The following NTNG2 variants were observed in gnomAD, a reference collection of about 807,000 sequenced individuals.
NTNG2 encodes the protein netrin-G2.
NTNG2 carries 15 observed loss-of-function variants against 47.6 expected under a neutral mutation model. The ratio of observed to expected loss-of-function variants is 0.32; its 90% CI spans 0.21 to 0.49. NTNG2 has a LOEUF of 0.49. Ranked by LOEUF, NTNG2 falls within the 20% of genes least tolerant of loss-of-function variation. NTNG2 has a pLI of 0.99. For missense variants in NTNG2, 578 were observed against 764.6 expected (o/e 0.76, Z 2.88); for synonymous variants, 307 against 324.6 (o/e 0.95, Z 0.58).
At chr9:132,190,922 G>A (rs965210526) in intron 2 of NTNG2, among the ~76,000 whole-genome samples, 1 of 152,128 alleles carries the variant, frequency 6.6e-6, no homozygotes, top group Non-Finnish European at 1.5e-5. Context: ...GACCTTTCAG[G>A]TGACTTGCCT....
chr9:132,207,088 C>A (rs971108282), intron 3 of NTNG2, among the ~76,000 whole-genome samples: 1 of 152,264 alleles, frequency 6.6e-6, no homozygotes, highest in African/African-American at 2.4e-5. Flanking sequence ...GCCTTCCCAG[C>A]AGCACTAGGC....
chr9:132,172,206 C>A (rs1194417642), intron 2 of NTNG2, among the ~76,000 whole-genome samples: 1 of 152,180 alleles, frequency 6.6e-6, no homozygotes, highest in Non-Finnish European at 1.5e-5. Context: ...CTGGATAACC[C>A]TGGCTCCTTT....
chr9:132,180,071 A>G lies in NTNG2; in HGVS notation c.213+13027A>G, dbSNP rs1270862788. On this transcript the variant is annotated intron_variant, in intron 2 of 7. Coordinates refer to ENST00000393229, the MANE Select transcript of NTNG2 (RefSeq NM_032536.4). The surrounding 1 kb of genome is among the most constrained non-coding windows in gnomAD (Gnocchi z 4.2). Reference sequence around the variant, plus strand: ...CAAGGACCTGGCATCCTTCTGTCCCAGGGCAGTTTGTCTTGGGTCTCTCAG... The same window carrying G: ...CAAGGACCTGGCATCCTTCTGTCCCGGGGCAGTTTGTCTTGGGTCTCTCAG... Among the ~76,000 whole-genome samples the G allele has an allele frequency of 6.6e-6, 1 of 152,188 alleles. No homozygotes were observed. Among genetic ancestry groups the G allele is most frequent in the Non-Finnish European group, 1.5e-5 (1 of 68,038 alleles).
In NTNG2 at chr9:132,242,052, C is replaced by T; in HGVS notation, c.1534C>T (p.Pro512Ser). The change falls in exon 8 of 8, where the codon CCC becomes TCC. Residue 512 changes from proline (P) to serine (S), a missense_variant. Pro to Ser is a moderately conservative substitution (Grantham distance 74). Coordinates refer to ENST00000393229, the MANE Select transcript of NTNG2 (RefSeq NM_032536.4). This position sits in a 1 kb window ranked among gnomAD's most constrained non-coding sequence, Gnocchi z 5.9. ...CDRAPGAAPR[P>S]ATLLGCLLLL... is the part of the protein sequence containing the mutation. ...CCGCGCGCCCGGGGCCGCCCCGCGC[C>T]CCGCCACCCTGCTCGGCTGCCTGCT... The T allele has an allele frequency of 8.0e-7, 1 of 1,255,118 alleles. No individual in the cohort carries two copies. The highest frequency in any genetic ancestry group is 1.0e-6 in the Non-Finnish European group (1 of 1,003,778). The allele number at this position is 1,255,118 out of a possible 1,614,324, so 77.7% of individuals were successfully genotyped here.
intron 2 of NTNG2, among the ~76,000 whole-genome samples, chr9:132,167,883 T>A (rs1835612676): frequency 6.6e-6 from 1 of 152,226 alleles, no homozygotes; most frequent in Non-Finnish European, 1.5e-5. Flanking sequence ...TTCTGTGTTG[T>A]ATAAAGCAGG....
intron 2 of NTNG2, among the ~76,000 whole-genome samples, chr9:132,179,327 G>C (rs1219458816): frequency 6.6e-6 from 1 of 152,234 alleles, no homozygotes; most frequent in Non-Finnish European, 1.5e-5. Context: ...GCTTAGGTGA[G>C]CTCCCGCCTA....
intron 2 of NTNG2, among the ~76,000 whole-genome samples, chr9:132,188,894 C>G (rs972907689): frequency 6.6e-6 from 1 of 152,102 alleles, no homozygotes; most frequent in Non-Finnish European, 1.5e-5. Context: ...GGTCGCTGCC[C>G]GCATGAAGCC....
At chr9:132,200,459 C>A (rs1003701309) in intron 3 of NTNG2, among the ~76,000 whole-genome samples, 1 of 152,252 alleles carries the variant, frequency 6.6e-6, no homozygotes, top group East Asian at 1.9e-4. Context: ...CCTTGTATAT[C>A]ATTTCTGCGT....
chr9:132,165,872 C>G (rs544321126), intron 1 of NTNG2, among the ~76,000 whole-genome samples: 207 of 152,318 alleles, frequency 1.4e-3, no homozygotes, highest in South Asian at 0.013. Flanking sequence ...AAAAATAACC[C>G]AGTTTTCTCG....
intron 5 of NTNG2, among the ~76,000 whole-genome samples, chr9:132,238,767 C>T (rs1174689497): frequency 6.6e-6 from 1 of 152,356 alleles, no homozygotes; most frequent in East Asian, 1.9e-4. Flanking sequence ...CTAATCACCC[C>T]GGCATGTGGG....
chr9:132,238,653 C>T (rs1841794656), intron 5 of NTNG2, among the ~76,000 whole-genome samples: 1 of 152,260 alleles, frequency 6.6e-6, no homozygotes, highest in Admixed American at 6.5e-5. Context: ...TCCATGCATT[C>T]ATCTACCCGA....
chr9:132,193,701 G>T (rs569808131), intron 2 of NTNG2, among the ~76,000 whole-genome samples: 1 of 152,078 alleles, frequency 6.6e-6, no homozygotes, highest in Non-Finnish European at 1.5e-5. Context: ...CATTCCTCCC[G>T]GCCTGTTCCC....
Position 132,242,583 on chromosome 9 carries a change from G to GT in NTNG2, c.*476dup, listed in dbSNP as rs1296564258. ...CAATTCCAGTCGCTGACTTGGTCCT[G>GT]TTTTCTATTCTTTATTTTTCCTGCA... On this transcript the variant is annotated 3_prime_UTR_variant, in exon 8 of 8. Transcript: ENST00000393229. The surrounding 1 kb of genome is among the most constrained non-coding windows in gnomAD (Gnocchi z 5.9). The GT allele has an allele frequency of 6.6e-6, 1 of 152,246 alleles. No homozygotes were observed. The highest frequency in any genetic ancestry group is 1.5e-5 in the Non-Finnish European group (1 of 68,084). 9.4% of individuals were successfully genotyped at this position (152,246 alleles called of 1,614,324 possible). A position where few individuals can be genotyped will look rare whatever the true frequency, so the allele number is the denominator to read the frequency against.
intron 2 of NTNG2, among the ~76,000 whole-genome samples, chr9:132,181,831 A>C (rs1318218432): frequency 6.6e-6 from 1 of 152,228 alleles, no homozygotes; most frequent in East Asian, 1.9e-4. Flanking sequence ...CACAGCTTCT[A>C]AGTAGAGGAG....
chr9:132,235,146 C>T (rs754908562), intron 5 of NTNG2, among the ~76,000 whole-genome samples: 8 of 152,232 alleles, frequency 5.3e-5, no homozygotes, highest in Non-Finnish European at 7.3e-5. Flanking sequence ...ATCAGGGAAG[C>T]AGGTCAGATG....
intron 2 of NTNG2, among the ~76,000 whole-genome samples, chr9:132,186,886 C>T (rs1052419543): frequency 2.6e-5 from 4 of 152,230 alleles, no homozygotes; most frequent in Non-Finnish European, 4.4e-5. Flanking sequence ...GGGAGTGTGG[C>T]ACAAAGGTGG....
At chr9:132,229,721 T>A (rs1841053371) in intron 4 of NTNG2, among the ~76,000 whole-genome samples, 1 of 152,226 alleles carries the variant, frequency 6.6e-6, no homozygotes, top group Non-Finnish European at 1.5e-5. Context: ...CCTCCCTGCC[T>A]GTCCTGCTGG....
intron 2 of NTNG2, among the ~76,000 whole-genome samples, chr9:132,174,312 A>AACTTGGGCTT (rs1422093902): frequency 1.7e-5 from 2 of 117,206 alleles, no homozygotes; most frequent in Non-Finnish European, 1.7e-5. Flanking sequence ...TGCGGATGAG[A>AACTTGGGCTT]CGGACGGACG....
In NTNG2 at chr9:132,166,956, A is replaced by G. The variant is rs775933387; in HGVS notation, c.125A>G (p.Lys42Arg). ...PTWEFYACQP[K>R]VMRLKDYVKV... ...TGGGAGTTCTACGCCTGCCAGCCCAAGGTGATGCGCCTGAAGGACTACGTC... is the reference window on the plus strand; with the variant it reads ...TGGGAGTTCTACGCCTGCCAGCCCAGGGTGATGCGCCTGAAGGACTACGTC... Residue 42 changes from lysine (K) to arginine (R), a missense_variant, in exon 2 of 8, where the codon AAG becomes AGG. By Grantham distance (26) the Lys-to-Arg change is conservative. Transcript: ENST00000393229. The G allele has an allele frequency of 6.2e-7, 1 of 1,614,244 alleles. No individual in the cohort carries two copies. Among genetic ancestry groups the G allele is most frequent in the Middle Eastern group, 1.6e-4 (1 of 6,062 alleles).
Sources: gnomAD v4.1 joint callset for allele counts (sites outside exome capture counted in the v4.1 genomes callset) on GRCh38, gnomAD v4.1.1 for gene constraint, Gnocchi (gnomAD v3.1) non-coding constraint, MANE v1.5 for transcripts, NCBI Gene and HGNC (gene_info 2026-07-23, HGNC 2026-07-21) for gene names.